DTYMK: variants seen among roughly 807,000 people sequenced by gnomAD.
DTYMK encodes thymidylate kinase.
In DTYMK, 20 loss-of-function variants were observed where a neutral mutation model predicts 20.3. The ratio of observed to expected loss-of-function variants is 0.99; its 90% CI spans 0.69 to 1.43. The LOEUF is 1.43. Among genes scored for constraint, DTYMK ranks in the 40% most tolerant of loss-of-function variants. The probability of loss-of-function intolerance (pLI) is 0.00; values close to 1 mark genes in which losing one functional copy is unlikely to be tolerated. For missense variants in DTYMK, 320 were observed against 291.1 expected, an observed-to-expected ratio of 1.10 and a Z score of -0.72; for synonymous variants, 148 against 124.4, an observed-to-expected ratio of 1.19 and a Z score of -1.27.
chr2:241,677,539 G>A (rs1013075110), intron 4 of DTYMK, among the ~76,000 whole-genome samples: 3 of 152,250 alleles, frequency 2.0e-5, no homozygotes, highest in African/African-American at 7.2e-5. Context: ...GGCCACAAGC[G>A]ACAGTGCTGG....
rs1019067771 is a variant in DTYMK at position 241,680,301 on chromosome 2, C to T, written c.258G>A (p.Lys86=). The T allele has an allele frequency of 1.7e-5, 28 of 1,614,150 alleles. No homozygotes were observed. The highest frequency in any genetic ancestry group is 3.3e-4 in the Middle Eastern group (2 of 6,062). Residue 86 remains lysine (K), a synonymous_variant, in exon 3 of 5, where the codon AAG becomes AAA. Transcript: ENST00000305784. ...CGACGAGGGTCACGCCCTGGCTCAA[C>T]TTTTCCTTAATTAACGGCCTGAAAA... ...RWEQVPLIKE[K]LSQGVTLVVD...
Position 241,680,217 on chromosome 2 carries a change from A to C in DTYMK, c.330+12T>G. The C allele has an allele frequency of 1.9e-6, 3 of 1,613,912 alleles. No homozygotes were observed. Among genetic ancestry groups the C allele is most frequent in the Non-Finnish European group, 2.5e-6 (3 of 1,179,844 alleles). On this transcript the variant is annotated intron_variant, in intron 3 of 4. Transcript: ENST00000305784. Reference sequence around the variant, plus strand: ...TCTGTGCTCGCCTGACAGGAGGCCAAGTGGCACTCACCTCCTTGGCACCGG... The same window carrying C: ...TCTGTGCTCGCCTGACAGGAGGCCACGTGGCACTCACCTCCTTGGCACCGG...
In DTYMK at chr2:241,675,823, A is replaced by G; in HGVS notation, c.*304T>C. 4.1e-6 allele frequency: 1 copy of G among 244,136 alleles called. No individual in the cohort carries two copies. Among genetic ancestry groups the G allele is most frequent in the East Asian group, 8.3e-5 (1 of 12,036 alleles). The allele number at this position is 244,136 out of a possible 1,614,324, so 15.1% of individuals were successfully genotyped here. On this transcript the variant is annotated 3_prime_UTR_variant, in exon 5 of 5. Coordinates refer to ENST00000305784, the MANE Select transcript of DTYMK (RefSeq NM_012145.4). Reference sequence around the variant, plus strand: ...CTGATTACCATTTACAGTGATCACAATGAAACTGCTCAGAGTTATCACTGA... The same window carrying G: ...CTGATTACCATTTACAGTGATCACAGTGAAACTGCTCAGAGTTATCACTGA...
intron 4 of DTYMK, among the ~76,000 whole-genome samples, chr2:241,677,236 CG>C: frequency 6.6e-6 from 1 of 152,282 alleles, no homozygotes; most frequent in East Asian, 1.9e-4. Context: ...GTGACCGTGA[CG>C]GAAGGAGAGT....
At chr2:241,679,967 T>C (rs1452542611) in intron 3 of DTYMK, among the ~76,000 whole-genome samples, 23 of 121,140 alleles carry the variant, frequency 1.9e-4, no homozygotes, top group East Asian at 2.6e-4. Context: ...AGAGACTGTC[T>C]CCCCAAAAAA....
At chr2:241,677,409 T>C (rs1230188425) in intron 4 of DTYMK, among the ~76,000 whole-genome samples, 3 of 152,328 alleles carry the variant, frequency 2.0e-5, no homozygotes, top group Middle Eastern at 6.8e-3. Flanking sequence ...CCACCTGCGT[T>C]CCGGGAAACG....
intron 2 of DTYMK, among the ~76,000 whole-genome samples, chr2:241,682,633 C>A (rs150945717): frequency 1.3e-5 from 2 of 152,090 alleles, no homozygotes; most frequent in African/African-American, 4.8e-5. Flanking sequence ...TCAAAAAATA[C>A]AAAATTGGCC....
rs771272651 is a variant in DTYMK at position 241,676,141 on chromosome 2, C to T, written c.625G>A (p.Glu209Lys). 2.3e-5 allele frequency: 37 copies of T among 1,611,690 alleles called. No individual in the cohort carries two copies. The highest frequency in any genetic ancestry group is 2.9e-5 in the Non-Finnish European group (34 of 1,178,964). Residue 209 changes from glutamate to lysine, a missense_variant, in exon 5 of 5, where the codon GAG (glutamate) becomes AAG (lysine). By Grantham distance (56) the Glu-to-Lys change is moderately conservative. Transcript: ENST00000305784. ...IRTATEKPLGELWK is the reference protein window; with the variant it reads ...IRTATEKPLGKLWK ...GCAGCCTTGGGTCACTTCCATAGCT[C>T]CCCCAGCGGCTTCTCTGTGGCAGTG...
intron 2 of DTYMK, chr2:241,681,865 G>C (rs544618042): frequency 2.9e-5 from 5 of 173,796 alleles, no homozygotes; most frequent in African/African-American, 9.6e-5. Context: ...TAACAATAGT[G>C]AGACCCCATC....
chr2:241,680,082 A>AAAT lies in DTYMK; in HGVS notation c.330+144_330+146dup, dbSNP rs2069204692. On this transcript the variant is annotated intron_variant, in intron 3 of 4. Coordinates refer to ENST00000305784, the MANE Select transcript of DTYMK (RefSeq NM_012145.4). ...GTTTGCTCTTCTTATTGATAAAACCAAATTAATCTAGCAAAGAGATAAAAG... is the reference window on the plus strand; with the variant it reads ...GTTTGCTCTTCTTATTGATAAAACCAAATAATTAATCTAGCAAAGAGATAAAAG... 13 of 702,540 alleles carry AAAT rather than the reference A, an allele frequency of 1.9e-5. No homozygotes were observed. In the South Asian group the frequency reaches 2.7e-4, roughly 15 times the overall value. The allele number at this position is 702,540 out of a possible 1,614,324, so 43.5% of individuals were successfully genotyped here.
At chr2:241,679,345 C>T (rs143429643) in intron 3 of DTYMK, among the ~76,000 whole-genome samples, 4 of 152,314 alleles carry the variant, frequency 2.6e-5, no homozygotes, top group East Asian at 1.9e-4. Context: ...ACAGAGCCTG[C>T]GGCTCTGTCA....
intron 1 of DTYMK, 62 bp from the exon 2 acceptor site, chr2:241,685,939 T>C (rs2069385351): frequency 6.6e-7 from 1 of 1,525,794 alleles, no homozygotes; most frequent in Non-Finnish European, 9.0e-7. Context: ...TATATTACAA[T>C]ATAGTTTGGA....
intron 4 of DTYMK, among the ~76,000 whole-genome samples, chr2:241,676,480 G>C (rs983536265): frequency 6.6e-6 from 1 of 152,180 alleles, no homozygotes; most frequent in African/African-American, 2.4e-5. Context: ...ACCATGTTTC[G>C]TTCTGTCCTC....
At chr2:241,679,193 T>C (rs2069184873) in intron 3 of DTYMK, among the ~76,000 whole-genome samples, 3 of 152,090 alleles carry the variant, frequency 2.0e-5, no homozygotes, top group Non-Finnish European at 4.4e-5. Flanking sequence ...CAGCACCCTC[T>C]CTCCCTCCCT....
chr2:241,684,382 G>A (rs1259985805), intron 2 of DTYMK, among the ~76,000 whole-genome samples: 2 of 152,166 alleles, frequency 1.3e-5, no homozygotes, highest in Non-Finnish European at 2.9e-5. Context: ...ACTTGGAGTG[G>A]GGACAGCCTT....
At position 241,681,688 on chromosome 2, in the gene DTYMK, A is replaced by C. The variant is rs543168244; in HGVS notation, c.240-1369T>G. ...AAAGGCACAGCCCATGAGAGAATTGATTAAGATGGACTTCACGAAAATAAT... is the reference window on the plus strand; with the variant it reads ...AAAGGCACAGCCCATGAGAGAATTGCTTAAGATGGACTTCACGAAAATAAT... On this transcript the variant is annotated intron_variant, in intron 2 of 4. Coordinates refer to ENST00000305784, the MANE Select transcript of DTYMK (RefSeq NM_012145.4). Among the ~76,000 whole-genome samples the C allele has an allele frequency of 2.8e-4, 43 of 152,374 alleles. No individual in the cohort carries two copies. In the South Asian group the frequency reaches 2.9e-3, roughly 10 times the overall value.
intron 3 of DTYMK, among the ~76,000 whole-genome samples, chr2:241,679,821 T>C (rs938565305): frequency 6.6e-6 from 1 of 151,912 alleles, no homozygotes; most frequent in Non-Finnish European, 1.5e-5. Context: ...GTATGAAAAT[T>C]AGCTGGGCAC....
chr2:241,676,971 T>C (rs778406404), intron 4 of DTYMK, among the ~76,000 whole-genome samples: 24 of 152,250 alleles, frequency 1.6e-4, no homozygotes, highest in Non-Finnish European at 2.5e-4. Flanking sequence ...AAGATGAATT[T>C]GGTCCTAACA....
chr2:241,686,729 T>C lies in DTYMK; in HGVS notation c.55A>G (p.Lys19Glu). ...ACCAGCTTGCGGCTCTGCGTGCTCT[T>C]CCCGGCGCGGTCCACGCCCTCCAGC... Reference protein sequence around the residue: ...IVLEGVDRAGKSTQSRKLVEA... With the variant: ...IVLEGVDRAGESTQSRKLVEA... The change falls in exon 1 of 5, where the codon AAG becomes GAG. Residue 19 changes from lysine to glutamate, a missense_variant. Physicochemically the swap from Lys to Glu is moderately conservative, Grantham distance 56 (BLOSUM62 1). Transcript: ENST00000305784. 3 of 1,546,132 alleles carry C rather than the reference T, an allele frequency of 1.9e-6. No individual in the cohort carries two copies. The highest frequency in any genetic ancestry group is 2.5e-5 in the East Asian group (1 of 39,456).
Sources: allele counts gnomAD v4.1 joint callset (sites outside exome capture counted in the v4.1 genomes callset), GRCh38; gene constraint gnomAD v4.1.1; transcripts MANE v1.5; gene names NCBI Gene and HGNC (gene_info 2026-07-23, HGNC 2026-07-21).